Variants in XYLT1 observed in about 807,000 individuals in gnomAD.
XYLT1 encodes beta-D-xylosyltransferase 1.
In XYLT1, 36 loss-of-function variants were observed where a neutral mutation model predicts 91.3. The ratio of observed to expected loss-of-function variants is 0.39; its 90% CI spans 0.30 to 0.52. The LOEUF (loss-of-function observed/expected upper bound fraction) is 0.52, where lower values mean the gene tolerates loss of function less well. XYLT1 is among the 20% of genes least tolerant of loss of function. The pLI is 0.68. For synonymous variants in XYLT1, 588 were observed against 532.0 expected, an observed-to-expected ratio of 1.11 and a Z score of -1.45; for missense variants, 1,242 against 1,284.5, an observed-to-expected ratio of 0.97 and a Z score of 0.51.
intron 1 of XYLT1, among the ~76,000 whole-genome samples, chr16:17,360,920 C>A (rs1310441834): frequency 1.3e-5 from 2 of 152,148 alleles, no homozygotes; most frequent in East Asian, 3.9e-4. Context: ...TACCAGTAAC[C>A]ATGGAACCGC....
At chr16:17,441,136 C>T (rs1408077759) in intron 1 of XYLT1, among the ~76,000 whole-genome samples, 2 of 151,666 alleles carry the variant, frequency 1.3e-5, no homozygotes, top group African/African-American at 4.8e-5. Flanking sequence ...CTCATGCCTC[C>T]GCACTCCAGC....
At chr16:17,208,891 A>T (rs754117766) in intron 3 of XYLT1, among the ~76,000 whole-genome samples, 6 of 151,854 alleles carry the variant, frequency 4.0e-5, no homozygotes, top group Admixed American at 1.3e-4. Flanking sequence ...CGCCCGGCTA[A>T]TTTTTTTGTA....
rs185670087 is a variant in XYLT1 at position 17,184,287 on chromosome 16, C to T, written c.1289+13925G>A. On this transcript the variant is annotated intron_variant, in intron 5 of 11. Coordinates refer to ENST00000261381, the MANE Select transcript of XYLT1 (RefSeq NM_022166.4). ...TCCCATCCACAGACACATAGAGAGC[C>T]GCTGCCAAGAGGAAGGAGAATTGTG... 1.3e-4 allele frequency among the ~76,000 whole-genome samples: 19 copies of T among 148,046 alleles called. No individual in the cohort carries two copies. In the East Asian group the frequency reaches 2.8e-3, roughly 22 times the overall value.
At chr16:17,313,157 G>T (rs1025044950) in intron 2 of XYLT1, among the ~76,000 whole-genome samples, 4 of 152,234 alleles carry the variant, frequency 2.6e-5, no homozygotes, top group Admixed American at 6.5e-5. Context: ...GGCCTGGGCT[G>T]CCTGCCAACA....
chr16:17,221,089 T>C lies in XYLT1; in HGVS notation c.914-20435A>G, dbSNP rs553076322. Among the ~76,000 whole-genome samples, 7 of 152,290 alleles carry C rather than the reference T, an allele frequency of 4.6e-5. 1 individual carries two copies. In the South Asian group the frequency reaches 1.2e-3, roughly 27 times the overall value. ...GCTTCATGGTGGCAACAACATTTCCTTGCCTCTTGTTAATAATCATCACCT... is the reference window on the plus strand; with the variant it reads ...GCTTCATGGTGGCAACAACATTTCCCTGCCTCTTGTTAATAATCATCACCT... On this transcript the variant is annotated intron_variant, in intron 3 of 11. Transcript: ENST00000261381.
intron 3 of XYLT1, among the ~76,000 whole-genome samples, chr16:17,256,786 T>C (rs533174747): frequency 1.3e-5 from 2 of 152,360 alleles, no homozygotes; most frequent in East Asian, 3.9e-4. Context: ...CCATTTGCCT[T>C]CTCAGGAGGA....
chr16:17,375,132 C>A (rs1483633986), intron 1 of XYLT1, among the ~76,000 whole-genome samples: 3 of 152,144 alleles, frequency 2.0e-5, no homozygotes, highest in East Asian at 1.9e-4. Flanking sequence ...GGGGCAGAGA[C>A]CAAGATTCAA....
At chr16:17,290,372 T>C (rs1284016063) in intron 2 of XYLT1, among the ~76,000 whole-genome samples, 3 of 152,252 alleles carry the variant, frequency 2.0e-5, no homozygotes, top group African/African-American at 7.2e-5. Context: ...TACGGTTAAA[T>C]TCTATTTCCA....
intron 5 of XYLT1, among the ~76,000 whole-genome samples, chr16:17,170,792 G>A (rs1276119102): frequency 1.3e-5 from 2 of 152,056 alleles, no homozygotes; most frequent in African/African-American, 2.4e-5. Context: ...TCACCACATA[G>A]GTCTTCCTAA....
intron 8 of XYLT1, among the ~76,000 whole-genome samples, chr16:17,137,015 C>A (rs760649487): frequency 5.9e-5 from 9 of 152,194 alleles, no homozygotes; most frequent in Admixed American, 1.3e-4. Context: ...ACAAACATTC[C>A]CCTGCAACCC....
chr16:17,184,529 G>A (rs994904373), intron 5 of XYLT1, among the ~76,000 whole-genome samples: 1 of 101,528 alleles, frequency 9.8e-6, no homozygotes. Context: ...GTTCATGAGC[G>A]CACAGTTTTA....
rs1441589199 is a variant in XYLT1, at chr16:17,301,482, CT to C, written c.403-41985del. Among the ~76,000 whole-genome samples the C allele has an allele frequency of 2.0e-5, 3 of 152,250 alleles. No homozygotes were observed. In the South Asian group the frequency reaches 6.2e-4, roughly 32 times the overall value. Reference sequence around the variant, plus strand: ...AAAGCTCAACCCTATCTGATAAAATCTTTTCCCACAGTATTTAATTTCTCTC... The same window carrying C: ...AAAGCTCAACCCTATCTGATAAAATCTTTCCCACAGTATTTAATTTCTCTC... On this transcript the variant is annotated intron_variant, in intron 2 of 11. Transcript: ENST00000261381.
At chr16:17,282,436 G>C (rs139261596) in intron 2 of XYLT1, among the ~76,000 whole-genome samples, 8 of 152,338 alleles carry the variant, frequency 5.3e-5, no homozygotes, top group African/African-American at 7.2e-5. Flanking sequence ...AATTATTTCC[G>C]ACAGGTGACC....
chr16:17,264,101 T>C (rs1276930869), intron 2 of XYLT1, among the ~76,000 whole-genome samples: 1 of 152,108 alleles, frequency 6.6e-6, no homozygotes, highest in Non-Finnish European at 1.5e-5. Context: ...TACAGCAAAT[T>C]GTTGTATATT....
At chr16:17,400,321 T>C (rs2035947231) in intron 1 of XYLT1, among the ~76,000 whole-genome samples, 1 of 152,158 alleles carries the variant, frequency 6.6e-6, no homozygotes, top group South Asian at 2.1e-4. Flanking sequence ...CTGGGCGCCA[T>C]GGCTCACACC....
At chr16:17,343,234 C>A (rs1343956879) in intron 2 of XYLT1, among the ~76,000 whole-genome samples, 3 of 152,198 alleles carry the variant, frequency 2.0e-5, no homozygotes, top group Non-Finnish European at 4.4e-5. Context: ...GGCAAACCCA[C>A]AATCTCCTGT....
At chr16:17,422,861 T>A (rs893823325) in intron 1 of XYLT1, among the ~76,000 whole-genome samples, 3 of 152,094 alleles carry the variant, frequency 2.0e-5, no homozygotes, top group African/African-American at 7.2e-5. Context: ...TTCCTTGGGG[T>A]CACTGCAAAT....
chr16:17,320,061 C>T (rs2034693603), intron 2 of XYLT1, among the ~76,000 whole-genome samples: 1 of 152,196 alleles, frequency 6.6e-6, no homozygotes, highest in Non-Finnish European at 1.5e-5. Flanking sequence ...GGCCATCCTA[C>T]ATAACATAGC....
At position 17,107,456 on chromosome 16, in the gene XYLT1, A is replaced by G. The variant is rs969624878; in HGVS notation, c.*1239T>C. ...AACCTTTTGGGTTTCTGGTAACTCA[A>G]CACTTAAATCATACTGTTTTTTGTT... On this transcript the variant is annotated 3_prime_UTR_variant, in exon 12 of 12. Transcript: ENST00000261381. The G allele has an allele frequency of 1.3e-5, 2 of 152,718 alleles. No homozygotes were observed. Among genetic ancestry groups the G allele is most frequent in the Non-Finnish European group, 2.9e-5 (2 of 68,028 alleles). 9.5% of individuals were successfully genotyped at this position (152,718 alleles called of 1,614,324 possible).
Sources: gnomAD v4.1 joint callset for allele counts (sites outside exome capture counted in the v4.1 genomes callset) on GRCh38, gnomAD v4.1.1 for gene constraint, MANE v1.5 for transcripts, NCBI Gene and HGNC (gene_info 2026-07-23, HGNC 2026-07-21) for gene names.